The following COX7B2 variants were observed in gnomAD, a reference collection of about 807,000 sequenced individuals.
COX7B2 encodes cytochrome c oxidase subunit 7B2, also known as cytochrome c oxidase subunit 7B2, mitochondrial.
For synonymous variants in COX7B2, 37 were observed against 32.1 expected, an observed-to-expected ratio of 1.15 and a Z score of -0.51; for missense variants, 109 against 95.9, an observed-to-expected ratio of 1.14 and a Z score of -0.57.
intron 2 of COX7B2, among the ~76,000 whole-genome samples, chr4:46,783,547 C>T (rs1439029286): frequency 2.0e-5 from 3 of 152,090 alleles, no homozygotes; most frequent in Admixed American, 2.0e-4. Flanking sequence ...CTGAATAAAC[C>T]CTGGCTTTAC....
chr4:46,854,345 T>C (rs1301751673), intron 1 of COX7B2, among the ~76,000 whole-genome samples: 2 of 152,210 alleles, frequency 1.3e-5, no homozygotes, highest in Non-Finnish European at 2.9e-5. Context: ...GCTAACAGTA[T>C]ACAGTAATCA....
intron 2 of COX7B2, among the ~76,000 whole-genome samples, chr4:46,815,720 C>A (rs1360569793): frequency 1.3e-5 from 2 of 151,852 alleles, no homozygotes; most frequent in African/African-American, 4.8e-5. Context: ...CTTTTATTTT[C>A]TATTATTAAA....
intron 1 of COX7B2, among the ~76,000 whole-genome samples, chr4:46,898,736 C>A (rs1719916031): frequency 6.6e-6 from 1 of 152,082 alleles, no homozygotes; most frequent in South Asian, 2.1e-4. Context: ...ACTCAATTTA[C>A]CATTGATAAA....
At chr4:46,812,203 C>G (rs1335094968) in intron 2 of COX7B2, among the ~76,000 whole-genome samples, 1 of 151,950 alleles carries the variant, frequency 6.6e-6, no homozygotes, top group Non-Finnish European at 1.5e-5. Flanking sequence ...CCGTAGTTCC[C>G]AGAACTTGAG....
chr4:46,775,890 A>C (rs915199175), intron 2 of COX7B2, among the ~76,000 whole-genome samples: 3 of 152,264 alleles, frequency 2.0e-5, no homozygotes, highest in Admixed American at 6.5e-5. Flanking sequence ...TCAGAAGAGA[A>C]ATGCAAATAC....
rs150762097 is a variant in COX7B2 at position 46,847,927 on chromosome 4, A to G, written c.-104-2913T>C. Among the ~76,000 whole-genome samples, 1,177 of 152,174 alleles carry G rather than the reference A, an allele frequency of 7.7e-3. 18 individuals are homozygous for G. The highest frequency in any genetic ancestry group is 0.027 in the African/African-American group (1,134 of 41,542). On this transcript the variant is annotated intron_variant, in intron 1 of 2. Transcript: ENST00000355591. The stretch of plus-strand genomic sequence containing the variant: ...GTCCTCTATTTTACCCCCTCTTAGC[A>G]GAAGGTGGTAAGAGGCAGCGATGTT...
At chr4:46,772,338 T>C (rs988571538) in intron 2 of COX7B2, among the ~76,000 whole-genome samples, 3 of 152,152 alleles carry the variant, frequency 2.0e-5, no homozygotes, top group Non-Finnish European at 4.4e-5. Flanking sequence ...AAAGTATCAG[T>C]AGATTGAATA....
chr4:46,888,501 T>C lies in COX7B2; in HGVS notation c.-105+20659A>G, dbSNP rs1037170046. Among the ~76,000 whole-genome samples, 9 of 151,854 alleles carry C rather than the reference T, an allele frequency of 5.9e-5. No individual in the cohort carries two copies. The South Asian group carries it at 1.9e-3, about 32-fold the overall frequency. ...ATCTGTTGCCCAGGCTGGAGTGCAG[T>C]GGCGCGATCTAGGCTCACTGCAAGC... On this transcript the variant is annotated intron_variant, in intron 1 of 2. Transcript: ENST00000355591.
chr4:46,779,369 G>A (rs1174412811), intron 2 of COX7B2, among the ~76,000 whole-genome samples: 1 of 152,052 alleles, frequency 6.6e-6, no homozygotes, highest in Non-Finnish European at 1.5e-5. Context: ...TTCTAAGGTT[G>A]AATAATATTC....
chr4:46,765,714 C>A (rs1381284138), intron 2 of COX7B2, among the ~76,000 whole-genome samples: 1 of 152,022 alleles, frequency 6.6e-6, no homozygotes, highest in Non-Finnish European at 1.5e-5. Context: ...TCACTGCACA[C>A]CAAGGCTCCA....
intron 2 of COX7B2, among the ~76,000 whole-genome samples, chr4:46,775,964 C>A (rs1717132460): frequency 6.6e-6 from 1 of 152,022 alleles, no homozygotes; most frequent in Non-Finnish European, 1.5e-5. Flanking sequence ...CAATACTTGG[C>A]AATTTGAGAA....
chr4:46,845,673 A>T (rs1716233272), intron 1 of COX7B2, among the ~76,000 whole-genome samples: 1 of 151,972 alleles, frequency 6.6e-6, no homozygotes, highest in Non-Finnish European at 1.5e-5. Flanking sequence ...AGAGCATAGG[A>T]TAAAAGAAAA....
intron 1 of COX7B2, among the ~76,000 whole-genome samples, chr4:46,906,794 A>G (rs1720418822): frequency 6.6e-6 from 1 of 152,226 alleles, no homozygotes; most frequent in Non-Finnish European, 1.5e-5. Flanking sequence ...CTTTTCTCTC[A>G]TTAGACCAAC....
At chr4:46,897,201 G>C (rs1385342946) in intron 1 of COX7B2, among the ~76,000 whole-genome samples, 4 of 152,034 alleles carry the variant, frequency 2.6e-5, no homozygotes, top group Admixed American at 2.6e-4. Context: ...TGGGAATACA[G>C]GTCACTCAGG....
At chr4:46,800,096 T>C (rs1454401134) in intron 2 of COX7B2, among the ~76,000 whole-genome samples, 1 of 152,016 alleles carries the variant, frequency 6.6e-6, no homozygotes, top group Non-Finnish European at 1.5e-5. Flanking sequence ...ACAGTGAAAA[T>C]TATAAAATAC....
At chr4:46,850,480 A>G (rs1414659496) in intron 1 of COX7B2, among the ~76,000 whole-genome samples, 3 of 152,032 alleles carry the variant, frequency 2.0e-5, no homozygotes, top group Non-Finnish European at 2.9e-5. Flanking sequence ...AAAGTGCACA[A>G]TGTATTCAAA....
chr4:46,806,603 A>G (rs1350170529), intron 2 of COX7B2, among the ~76,000 whole-genome samples: 5 of 152,076 alleles, frequency 3.3e-5, no homozygotes, highest in Non-Finnish European at 5.9e-5. Flanking sequence ...TACTGCCTAT[A>G]GTCATTATGC....
chr4:46,846,513 G>A (rs1716287626), intron 1 of COX7B2, among the ~76,000 whole-genome samples: 2 of 151,982 alleles, frequency 1.3e-5, no homozygotes, highest in Admixed American at 6.6e-5. Context: ...CAAAGGCCAT[G>A]AGGGAGGTGA....
chr4:46,755,566 C>T (rs1228453696), intron 2 of COX7B2, among the ~76,000 whole-genome samples: 1 of 151,960 alleles, frequency 6.6e-6, no homozygotes, highest in African/African-American at 2.4e-5. Context: ...TCTAGAAAAT[C>T]CTAATGACTC....
Sources: allele counts gnomAD v4.1 joint callset (sites outside exome capture counted in the v4.1 genomes callset), GRCh38; gene constraint gnomAD v4.1.1; transcripts MANE v1.5; gene names NCBI Gene and HGNC (gene_info 2026-07-23, HGNC 2026-07-21).